Variants in ESAM observed in about 807,000 individuals in gnomAD.
The protein encoded by ESAM is endothelial cell adhesion molecule.
A neutral mutation model predicts 31.8 loss-of-function variants in ESAM; 23 were observed. The ratio of observed to expected loss-of-function variants is 0.72; its 90% CI spans 0.52 to 1.03. The LOEUF (loss-of-function observed/expected upper bound fraction) is 1.03, where lower values mean the gene tolerates loss of function less well. Among genes scored for constraint, ESAM ranks in the 50% least tolerant of loss-of-function variants. ESAM has a pLI of 0.00. For missense variants in ESAM, 478 were observed against 488.9 expected, an observed-to-expected ratio of 0.98 and a Z score of 0.21; for synonymous variants, 216 against 207.2, an observed-to-expected ratio of 1.04 and a Z score of -0.37.
chr11:124,761,356 T>G (rs1164519627), intron 1 of ESAM, among the ~76,000 whole-genome samples: 2 of 152,116 alleles, frequency 1.3e-5, no homozygotes, highest in Admixed American at 6.5e-5. Context: ...CCCAAACACT[T>G]GCTCCAAGGA....
Position 124,753,405 on chromosome 11 carries a change from A to G in ESAM, c.*241T>C. 1.9e-6 allele frequency: 1 copy of G among 532,928 alleles called. No homozygotes were observed. Among genetic ancestry groups the G allele is most frequent in the African/African-American group, 1.9e-5 (1 of 52,280 alleles). The allele number at this position is 532,928 out of a possible 1,614,324, so 33.0% of individuals were successfully genotyped here. A position where few individuals can be genotyped will look rare whatever the true frequency, so the allele number is the denominator to read the frequency against. ...GTAGCTAATTTCAGCAGCTGGCTTC[A>G]TAAGGAGGAGTCAGGGGTGGGTGGA... On this transcript the variant is annotated 3_prime_UTR_variant, in exon 7 of 7. Transcript: ENST00000278927.
Position 124,753,381 on chromosome 11 carries a change from T to G in ESAM, c.*265A>C. On this transcript the variant is annotated 3_prime_UTR_variant, in exon 7 of 7. Coordinates refer to ENST00000278927, the MANE Select transcript of ESAM (RefSeq NM_138961.3). The stretch of plus-strand genomic sequence containing the variant: ...GTCTCTGCCCCTCACTCTTGGTGAG[T>G]AGCTAATTTCAGCAGCTGGCTTCAT... 1 of 471,326 alleles carries G rather than the reference T, an allele frequency of 2.1e-6. No homozygotes were observed. Among genetic ancestry groups the G allele is most frequent in the South Asian group, 2.4e-5 (1 of 40,938 alleles). 29.2% of individuals were successfully genotyped at this position (471,326 alleles called of 1,614,324 possible).
Position 124,756,553 on chromosome 11 carries a change from G to A in ESAM, c.439C>T (p.Leu147Phe). ...GCTTCTCACTCACCCAGTACATTGA[G>A]TTCTAAGGTTTTGATGCTGTGGCCC... ...SRGHSIKTLE[L>F]NVLVPPAPPS... is the part of the protein sequence containing the mutation. Residue 147 changes from leucine to phenylalanine, a missense_variant, in exon 3 of 7, where the codon CTC becomes TTC. Coordinates refer to ENST00000278927, the MANE Select transcript of ESAM (RefSeq NM_138961.3). 1 of 1,614,050 alleles carries A rather than the reference G, an allele frequency of 6.2e-7. No homozygotes were observed. Among genetic ancestry groups the A allele is most frequent in the South Asian group, 1.1e-5 (1 of 91,084 alleles).
intron 1 of ESAM, 133 bp downstream of exon 1, chr11:124,761,952 G>T: frequency 2.5e-6 from 2 of 792,640 alleles, no homozygotes; most frequent in Non-Finnish European, 4.2e-6. Context: ...ATGCCCTGGA[G>T]TGGGATTAGG....
chr11:124,758,801 G>A (rs1195112868), intron 1 of ESAM, among the ~76,000 whole-genome samples: 3 of 152,200 alleles, frequency 2.0e-5, no homozygotes, highest in African/African-American at 4.8e-5. Context: ...GTATCCAGAG[G>A]CGCAGATTTC....
intron 1 of ESAM, 123 bp from the exon 2 acceptor site, chr11:124,758,650 G>A: frequency 8.1e-7 from 1 of 1,230,520 alleles, no homozygotes; most frequent in Non-Finnish European, 1.1e-6. Context: ...GGAACCTTGC[G>A]GGGTCCGGCC....
intron 1 of ESAM, 144 bp downstream of exon 1, chr11:124,761,941 G>T (rs1266798269): frequency 2.3e-5 from 17 of 741,196 alleles, no homozygotes; most frequent in Admixed American, 4.8e-5. Context: ...GCCAGCCAGT[G>T]ATGCCCTGGA....
chr11:124,757,318 C>G (rs1944167613), intron 2 of ESAM: 1 of 156,274 alleles, frequency 6.4e-6, no homozygotes, highest in African/African-American at 2.4e-5. Flanking sequence ...GTAGTCCCAG[C>G]TACTCAGGGG....
At position 124,762,090 on chromosome 11, in the gene ESAM, G is replaced by A. The variant is rs780173977; in HGVS notation, c.65C>T (p.Ala22Val). ...LLRFLFLGLSALAPPSRAQLQ... is the reference protein window; with the variant it reads ...LLRFLFLGLSVLAPPSRAQLQ... ...CAGGTCCGGGTTTCACTCACCGAGG[G>A]CACTCAGCCCCAGGAACAAAAACCG... is the stretch of plus-strand genomic sequence containing the variant. The change falls in exon 1 of 7, where the codon GCC (alanine) becomes GTC (valine). Residue 22 changes from alanine (A) to valine (V), a missense_variant. Physicochemically the swap from Ala to Val is moderately conservative, Grantham distance 64 (BLOSUM62 0). Coordinates refer to ENST00000278927, the MANE Select transcript of ESAM (RefSeq NM_138961.3). The surrounding 1 kb of genome is among the most constrained non-coding windows in gnomAD (Gnocchi z 6.4). 1.5e-5 allele frequency: 24 copies of A among 1,610,956 alleles called. No individual in the cohort carries two copies. The Middle Eastern group carries it at 2.3e-3, about 155-fold the overall frequency.
rs11549534 is a variant in ESAM at position 124,753,506 on chromosome 11, T to C, written c.*140A>G. 4.2e-4 allele frequency: 367 copies of C among 883,772 alleles called. No individual in the cohort carries two copies. In the African/African-American group the frequency reaches 5.6e-3, roughly 14 times the overall value. The allele number at this position is 883,772 out of a possible 1,614,324, so 54.7% of individuals were successfully genotyped here. A position where few individuals can be genotyped will look rare whatever the true frequency, so the allele number is the denominator to read the frequency against. On this transcript the variant is annotated 3_prime_UTR_variant, in exon 7 of 7. Transcript: ENST00000278927. The stretch of plus-strand genomic sequence containing the variant: ...CACTTAGGTCTTACTGAGATGGTTT[T>C]CCCACAGTAAAGAGAGGTGGGGGCA...
chr11:124,758,623 C>A, intron 1 of ESAM, 96 bp from the exon 2 acceptor site: 1 of 1,381,774 alleles, frequency 7.2e-7, no homozygotes, highest in South Asian at 1.5e-5. Flanking sequence ...CGAGGAAAGT[C>A]GCTTTAACTG....
At chr11:124,758,313 C>T in intron 2 of ESAM, 36 bp downstream of exon 2, 1 of 1,613,720 alleles carries the variant, frequency 6.2e-7, no homozygotes, top group Non-Finnish European at 8.5e-7. Flanking sequence ...CCTCTGGGCG[C>T]AACTTGCCGC....
At position 124,754,218 on chromosome 11, in the gene ESAM, T is replaced by C. The variant is rs1386368770; in HGVS notation, c.853A>G (p.Ile285Val). Reference protein sequence around the residue: ...GKALEEPANDIKEDAIAPRTL... With the variant: ...GKALEEPANDVKEDAIAPRTL... Reference sequence around the variant, plus strand: ...GCAGACACCAGGGACACTTACTTGATATCATTGGCTGGCTCCTCCAGGGCC... The same window carrying C: ...GCAGACACCAGGGACACTTACTTGACATCATTGGCTGGCTCCTCCAGGGCC... The change falls in exon 6 of 7, where the codon ATC (isoleucine) becomes GTC (valine). Residue 285 changes from isoleucine (I) to valine (V), a missense_variant. Coordinates refer to ENST00000278927, the MANE Select transcript of ESAM (RefSeq NM_138961.3). The surrounding 1 kb of genome is among the most constrained non-coding windows in gnomAD (Gnocchi z 4.5). The C allele has an allele frequency of 1.9e-6, 3 of 1,613,694 alleles. No homozygotes were observed. The highest frequency in any genetic ancestry group is 2.5e-6 in the Non-Finnish European group (3 of 1,179,894).
At chr11:124,760,224 G>C (rs1401440194) in intron 1 of ESAM, among the ~76,000 whole-genome samples, 1 of 152,222 alleles carries the variant, frequency 6.6e-6, no homozygotes, top group Non-Finnish European at 1.5e-5. Context: ...CTCCCTCCTG[G>C]GTGTCTGCTG....
At chr11:124,755,360 C>T (rs937424230) in intron 4 of ESAM, among the ~76,000 whole-genome samples, 1 of 151,810 alleles carries the variant, frequency 6.6e-6, no homozygotes, top group African/African-American at 2.4e-5. Context: ...CTAACCTGCA[C>T]ATTGTGCACA....
rs76226162 is a variant in ESAM, at chr11:124,756,542, C to T, written c.450G>A (p.Leu150=). 6.2e-7 allele frequency: 1 copy of T among 1,614,016 alleles called. No homozygotes were observed. Among genetic ancestry groups the T allele is most frequent in the Non-Finnish European group, 8.5e-7 (1 of 1,179,994 alleles). The change falls in exon 3 of 7, where the codon CTG becomes CTA. Residue 150 remains leucine, a splice_region_variant and synonymous_variant. Coordinates refer to ENST00000278927, the MANE Select transcript of ESAM (RefSeq NM_138961.3). ...HSIKTLELNV[L]VPPAPPSCRL... ...TCCGGAAATCTGCTTCTCACTCACC[C>T]AGTACATTGAGTTCTAAGGTTTTGA...
chr11:124,762,191 C>A lies in ESAM; in HGVS notation c.-37G>T. 6.4e-7 allele frequency: 1 copy of A among 1,553,924 alleles called. No individual in the cohort carries two copies. Among genetic ancestry groups the A allele is most frequent in the South Asian group, 1.2e-5 (1 of 85,788 alleles). On this transcript the variant is annotated 5_prime_UTR_variant, in exon 1 of 7. Transcript: ENST00000278927. This position sits in a 1 kb window ranked among gnomAD's most constrained non-coding sequence, Gnocchi z 6.4. ...GCCGGGACGGAGTCAGGGGCGCCAGCCGCGGGACGCACGGACCTGCAGGTG... is the reference window on the plus strand; with the variant it reads ...GCCGGGACGGAGTCAGGGGCGCCAGACGCGGGACGCACGGACCTGCAGGTG...
chr11:124,761,971 G>C, intron 1 of ESAM, 114 bp downstream of exon 1: 1 of 927,130 alleles, frequency 1.1e-6, no homozygotes, highest in South Asian at 1.4e-5. Flanking sequence ...GGAGGTCAGG[G>C]GAGGAGGGCG....
At position 124,762,265 on chromosome 11, in the gene ESAM, A is replaced by G; in HGVS notation, c.-111T>C. On this transcript the variant is annotated 5_prime_UTR_variant, in exon 1 of 7. Transcript: ENST00000278927. The surrounding 1 kb of genome is among the most constrained non-coding windows in gnomAD (Gnocchi z 6.4). ...CGTGCGCGGGAGCCGAGCCGCTGAC[A>G]CCCAGGGCGGCTCCAGCCCAAGTCT... is the stretch of plus-strand genomic sequence containing the variant. 2 of 822,682 alleles carry G rather than the reference A, an allele frequency of 2.4e-6. No homozygotes were observed. Among genetic ancestry groups the G allele is most frequent in the Non-Finnish European group, 3.6e-6 (2 of 549,484 alleles). 51.0% of individuals were successfully genotyped at this position (822,682 alleles called of 1,614,324 possible).
Sources: gnomAD v4.1 joint callset for allele counts (sites outside exome capture counted in the v4.1 genomes callset) on GRCh38, gnomAD v4.1.1 for gene constraint, Gnocchi (gnomAD v3.1) non-coding constraint, MANE v1.5 for transcripts, NCBI Gene and HGNC (gene_info 2026-07-23, HGNC 2026-07-21) for gene names.